The following ZNF723 variants were observed in gnomAD, a reference collection of about 807,000 sequenced individuals.
The protein encoded by ZNF723 is zinc finger protein 723, pseudogene.
A neutral mutation model predicts 9.4 loss-of-function variants in ZNF723; 5 were observed. The ratio of observed to expected loss-of-function variants is 0.53; its 90% CI spans 0.28 to 1.12. The LOEUF is 1.12. Among genes scored for constraint, ZNF723 ranks in the 50% most tolerant of loss-of-function variants. The pLI, the probability that ZNF723 is intolerant of heterozygous loss-of-function variation, is 0.10. For synonymous variants in ZNF723, 158 were observed against 168.8 expected (o/e 0.94, Z 0.49); for missense variants, 450 against 501.5 (o/e 0.90, Z 0.98).
In ZNF723 at chr19:22,856,766, A is replaced by G. The variant is rs565318539; in HGVS notation, c.227-352A>G. Among the ~76,000 whole-genome samples, 32 of 152,304 alleles carry G rather than the reference A, an allele frequency of 2.1e-4. No homozygotes were observed. The East Asian group carries it at 5.0e-3, about 24-fold the overall frequency. On this transcript the variant is annotated intron_variant, in intron 3 of 3. Coordinates refer to ENST00000600766, the MANE Select transcript of ZNF723 (RefSeq NM_001349726.2). ...AGACAGAAATAAAGATGTATGTGCC[A>G]GTATTTTACTTGTCTTTTAAAAAAG... is the stretch of plus-strand genomic sequence containing the variant.
At chr19:22,848,238 G>A (rs1024568774) in intron 1 of ZNF723, 23 bp from the exon 2 acceptor site, 1 of 844,690 alleles carries the variant, frequency 1.2e-6, no homozygotes, top group Non-Finnish European at 1.9e-6. Context: ...ATGTGTGTAT[G>A]TGTGTGTGTG....
chr19:22,843,095 G>T (rs1158040305), intron 1 of ZNF723, among the ~76,000 whole-genome samples: 1 of 152,164 alleles, frequency 6.6e-6, no homozygotes, highest in African/African-American at 2.4e-5. Context: ...CCTAAAATGT[G>T]GGACTGGAGT....
chr19:22,833,948 T>TTC (rs1568402544), intron 1 of ZNF723, among the ~76,000 whole-genome samples: 2 of 135,958 alleles, frequency 1.5e-5, no homozygotes, highest in Admixed American at 1.4e-4. Flanking sequence ...TTTTTTTTTT[T>TTC]CCGAGTCTCC....
chr19:22,847,991 A>G (rs1204147066), intron 1 of ZNF723, among the ~76,000 whole-genome samples: 1 of 151,848 alleles, frequency 6.6e-6, no homozygotes, highest in African/African-American at 2.4e-5. Flanking sequence ...AATCCCAGCT[A>G]CTTGGGAGAC....
intron 1 of ZNF723, among the ~76,000 whole-genome samples, chr19:22,833,890 G>GAC (rs1411799540): frequency 2.0e-5 from 3 of 149,810 alleles, no homozygotes; most frequent in Non-Finnish European, 4.4e-5. Context: ...ACAGGCGTGA[G>GAC]ACACCGCGCC....
chr19:22,857,072 C>A (rs1967489164), intron 3 of ZNF723, 46 bp from the exon 4 acceptor site: 1 of 697,782 alleles, frequency 1.4e-6, no homozygotes, highest in African/African-American at 1.8e-5. Context: ...GTATATCCAT[C>A]TGAGTCTAGT....
chr19:22,857,714 C>A lies in ZNF723; in HGVS notation c.823C>A (p.His275Asn). Reference sequence around the variant, plus strand: ...TAATATGTTCTCAAGCCTTAATAATCATAAGAGAATTCACACTGGAGAGAA... The same window carrying A: ...TAATATGTTCTCAAGCCTTAATAATAATAAGAGAATTCACACTGGAGAGAA... ...TFNMFSSLNN[H>N]KRIHTGEKPY... Residue 275 changes from histidine to asparagine, a missense_variant, in exon 4 of 4, where the codon CAT becomes AAT. Coordinates refer to ENST00000600766, the MANE Select transcript of ZNF723 (RefSeq NM_001349726.2). The A allele has an allele frequency of 1.6e-6, 2 of 1,270,292 alleles. No individual in the cohort carries two copies. Among genetic ancestry groups the A allele is most frequent in the Non-Finnish European group, 1.2e-6 (1 of 867,264 alleles). The allele number at this position is 1,270,292 out of a possible 1,614,324, so 78.7% of individuals were successfully genotyped here. A position where few individuals can be genotyped will look rare whatever the true frequency, so the allele number is the denominator to read the frequency against.
intron 1 of ZNF723, among the ~76,000 whole-genome samples, chr19:22,844,114 A>G (rs1208727849): frequency 2.0e-5 from 3 of 152,176 alleles, no homozygotes; most frequent in African/African-American, 7.2e-5. Context: ...CTGCCTTTCT[A>G]AAGCTGGTAC....
intron 2 of ZNF723, 53 bp from the exon 3 acceptor site, chr19:22,849,145 C>T: frequency 3.9e-6 from 2 of 506,730 alleles, no homozygotes; most frequent in Non-Finnish European, 7.2e-6. Context: ...TTACTGAGCA[C>T]ATTATTTGAA....
rs369888765 is a variant in ZNF723, at chr19:22,853,087, CTG to C, written c.226+3796_226+3797del. ...TTTAGTTATTGGCTTTCAGTAAAAA[CTG>C]TAATAATTATAGATATGCAAATAGC... is the stretch of plus-strand genomic sequence containing the variant. On this transcript the variant is annotated intron_variant, in intron 3 of 3. Coordinates refer to ENST00000600766, the MANE Select transcript of ZNF723 (RefSeq NM_001349726.2). Among the ~76,000 whole-genome samples, 9 of 151,952 alleles carry C rather than the reference CTG, an allele frequency of 5.9e-5. No individual in the cohort carries two copies. In the East Asian group the frequency reaches 1.7e-3, roughly 29 times the overall value.
intron 1 of ZNF723, among the ~76,000 whole-genome samples, chr19:22,841,306 G>A (rs1455311350): frequency 6.6e-6 from 1 of 152,190 alleles, no homozygotes; most frequent in African/African-American, 2.4e-5. Flanking sequence ...CAATTGCCAG[G>A]TGAATTTAGG....
intron 1 of ZNF723, among the ~76,000 whole-genome samples, chr19:22,844,216 T>G (rs1211041055): frequency 6.6e-6 from 1 of 152,264 alleles, no homozygotes; most frequent in Admixed American, 6.5e-5. Flanking sequence ...AAATCAGTGC[T>G]TGCAGATTCC....
rs188871594 is a variant in ZNF723, at chr19:22,854,795, C to T, written c.227-2323C>T. The stretch of plus-strand genomic sequence containing the variant: ...GTGCTTGGTGGTTTACACCTGTAAT[C>T]CCATCACTTTGGGAGGCTGAGGTGG... On this transcript the variant is annotated intron_variant, in intron 3 of 3. Transcript: ENST00000600766. Among the ~76,000 whole-genome samples, 83 of 152,224 alleles carry T rather than the reference C, an allele frequency of 5.5e-4. No individual in the cohort carries two copies. In the East Asian group the frequency reaches 0.015, roughly 28 times the overall value.
At chr19:22,830,461 T>A (rs181956560), upstream of ZNF723, among the ~76,000 whole-genome samples, 88 of 152,240 alleles carry the variant, frequency 5.8e-4, no homozygotes, top group African/African-American at 2.0e-3. Flanking sequence ...AGGCGCCGTG[T>A]GCTTCTGCAA....
At chr19:22,844,004 A>G (rs1967278626) in intron 1 of ZNF723, among the ~76,000 whole-genome samples, 1 of 152,124 alleles carries the variant, frequency 6.6e-6, no homozygotes. Flanking sequence ...TTCTGTTCAG[A>G]TTCACTCTAT....
intron 3 of ZNF723, among the ~76,000 whole-genome samples, chr19:22,854,938 T>TCTGTCAG: frequency 6.6e-6 from 1 of 152,080 alleles, no homozygotes; most frequent in East Asian, 2.0e-4. Flanking sequence ...TCCCAGCTAC[T>TCTGTCAG]CTGTCAGCTG....
chr19:22,838,419 G>A (rs753116487), intron 1 of ZNF723, among the ~76,000 whole-genome samples: 1 of 152,084 alleles, frequency 6.6e-6, no homozygotes, highest in African/African-American at 2.4e-5. Flanking sequence ...GGGCGTGGTG[G>A]CACACGCCTG....
the ZNF723 span, among the ~76,000 whole-genome samples, chr19:22,826,807 C>A: frequency 6.6e-6 from 1 of 152,160 alleles, no homozygotes; most frequent in African/African-American, 2.4e-5. Context: ...ATGGGGTATA[C>A]TTATATGTAG....
Position 22,848,246 on chromosome 19 carries a change from GTGT to G in ZNF723, c.4-13_4-11del. On this transcript the variant is annotated splice_polypyrimidine_tract_variant and intron_variant, in intron 1 of 3. Transcript: ENST00000600766. ...GGTAAATATGTGTGTATGTGTGTGTGTGTTTTTTTTTCAGGGACCATTGACATT... is the reference window on the plus strand; with the variant it reads ...GGTAAATATGTGTGTATGTGTGTGTGTTTTTTTTCAGGGACCATTGACATT... 1 of 967,778 alleles carries G rather than the reference GTGT, an allele frequency of 1.0e-6. No homozygotes were observed. Among genetic ancestry groups the G allele is most frequent in the Non-Finnish European group, 1.6e-6 (1 of 631,236 alleles). The allele number at this position is 967,778 out of a possible 1,614,324, so 59.9% of individuals were successfully genotyped here. A position where few individuals can be genotyped will look rare whatever the true frequency, so the allele number is the denominator to read the frequency against.
Sources: gnomAD v4.1 joint callset for allele counts (sites outside exome capture counted in the v4.1 genomes callset) on GRCh38, gnomAD v4.1.1 for gene constraint, MANE v1.5 for transcripts, NCBI Gene and HGNC (gene_info 2026-07-23, HGNC 2026-07-21) for gene names.